Variants in PTPN3 observed in about 807,000 individuals in gnomAD.
PTPN3 encodes the protein tyrosine-protein phosphatase non-receptor type 3.
PTPN3 carries 96 observed loss-of-function variants against 132.7 expected under a neutral mutation model. That is an observed-to-expected ratio of 0.72 (90% CI 0.61 to 0.86). The LOEUF (loss-of-function observed/expected upper bound fraction) is 0.86, where lower values mean the gene tolerates loss of function less well. Ranked by LOEUF, PTPN3 falls within the 40% of genes least tolerant of loss-of-function variation. The probability of loss-of-function intolerance (pLI) is 0.00; values close to 1 mark genes in which losing one functional copy is unlikely to be tolerated. For missense variants in PTPN3, 1,125 were observed against 1,159.6 expected (o/e 0.97, Z 0.43); for synonymous variants, 398 against 429.0 (o/e 0.93, Z 0.89).
chr9:109,436,746 T>C, intron 9 of PTPN3, 137 bp downstream of exon 9: 1 of 1,343,126 alleles, frequency 7.4e-7, no homozygotes, highest in Non-Finnish European at 9.7e-7. Flanking sequence ...TCAGCATTAC[T>C]TAATAAACCT....
At chr9:109,443,933 A>T (rs1844669103) in intron 7 of PTPN3, among the ~76,000 whole-genome samples, 1 of 152,046 alleles carries the variant, frequency 6.6e-6, no homozygotes, top group South Asian at 2.1e-4. Flanking sequence ...GTGGGTGGGT[A>T]AGCTGCAGGC....
chr9:109,498,590 G>T (rs1847796878), upstream of PTPN3, among the ~76,000 whole-genome samples: 1 of 152,180 alleles, frequency 6.6e-6, no homozygotes, highest in Non-Finnish European at 1.5e-5. The surrounding 1 kb of genome is among the most constrained non-coding windows in gnomAD (Gnocchi z 4.2). Context: ...CCTAGGGAAG[G>T]CAAGAAGTCG....
At chr9:109,453,596 A>G (rs1458870851) in intron 5 of PTPN3, among the ~76,000 whole-genome samples, 1 of 151,950 alleles carries the variant, frequency 6.6e-6, no homozygotes, top group African/African-American at 2.4e-5. Context: ...AACTCCTATC[A>G]CAGCCCTCTT....
intron 1 of PTPN3, among the ~76,000 whole-genome samples, chr9:109,487,068 T>C (rs1847249249): frequency 6.6e-6 from 1 of 152,142 alleles, no homozygotes; most frequent in South Asian, 2.1e-4. Flanking sequence ...TGGACTAATA[T>C]ACCCAGAGAT....
intron 1 of PTPN3, among the ~76,000 whole-genome samples, chr9:109,464,246 G>T (rs1179331906): frequency 1.3e-5 from 2 of 152,144 alleles, no homozygotes; most frequent in African/African-American, 4.8e-5. Context: ...CTCAACATAT[G>T]CATTTATTGT....
At position 109,438,154 on chromosome 9, in the gene PTPN3, C is replaced by A; in HGVS notation, c.547G>T (p.Asp183Tyr). ...DSHFIPDQNE[D>Y]FLTKVESLHE... The stretch of plus-strand genomic sequence containing the variant: ...AGAGATTCGACTTTTGTTAAAAAGT[C>A]CTCATTTTGATCGGGTATAAAGTGA... Residue 183 changes from aspartate (D) to tyrosine (Y), a missense_variant, in exon 8 of 26, where the codon GAC becomes TAC. Physicochemically the swap from Asp to Tyr is radical, Grantham distance 160. Coordinates refer to ENST00000374541, the MANE Select transcript of PTPN3 (RefSeq NM_002829.4). 6.2e-7 allele frequency: 1 copy of A among 1,613,948 alleles called. No individual in the cohort carries two copies. The highest frequency in any genetic ancestry group is 8.5e-7 in the Non-Finnish European group (1 of 1,179,916).
the PTPN3 span, among the ~76,000 whole-genome samples, chr9:109,510,324 C>A: frequency 7.9e-5 from 12 of 151,784 alleles, no homozygotes; most frequent in East Asian, 1.8e-3. Flanking sequence ...TTTGGGAGGC[C>A]AAGGCGGGCA....
At chr9:109,532,280 A>T in the PTPN3 span, among the ~76,000 whole-genome samples, 3 of 152,168 alleles carry the variant, frequency 2.0e-5, no homozygotes, top group Non-Finnish European at 4.4e-5. Context: ...GATTTGATAG[A>T]TTCTTAATGG....
the PTPN3 span, among the ~76,000 whole-genome samples, chr9:109,509,929 C>T: frequency 6.6e-6 from 1 of 152,124 alleles, no homozygotes; most frequent in South Asian, 2.1e-4. Flanking sequence ...GTCTGTAGTT[C>T]TGGTAAAGTC....
Position 109,433,920 on chromosome 9 carries a change from A to ATTT in PTPN3, c.676-760_676-759insAAA, listed in dbSNP as rs1444565563. Among the ~76,000 whole-genome samples the ATTT allele has an allele frequency of 4.3e-4, 57 of 132,374 alleles. 1 individual carries two copies. Among genetic ancestry groups the ATTT allele is most frequent in the Admixed American group, 5.9e-4 (8 of 13,536 alleles). 86.8% of individuals were successfully genotyped at this position (132,374 alleles called of 152,430 possible). A position where few individuals can be genotyped will look rare whatever the true frequency, so the allele number is the denominator to read the frequency against. On this transcript the variant is annotated intron_variant, in intron 9 of 25. Transcript: ENST00000374541. Reference sequence around the variant, plus strand: ...GCAGCAGAGGGAGACTCTGTTTAAAAAAAAAAAAAAAAAAAAAAAAAAAGC... The same window carrying ATTT: ...GCAGCAGAGGGAGACTCTGTTTAAAATTTAAAAAAAAAAAAAAAAAAAAAAAGC...
chr9:109,470,148 A>C (rs1439530835), intron 1 of PTPN3, among the ~76,000 whole-genome samples: 1 of 152,112 alleles, frequency 6.6e-6, no homozygotes, highest in Non-Finnish European at 1.5e-5. Flanking sequence ...ACCCTAGACA[A>C]TGATTCATCA....
intron 16 of PTPN3, among the ~76,000 whole-genome samples, chr9:109,408,796 A>ATATATATATATATATATATATATAT (rs1554783378): frequency 3.7e-5 from 4 of 108,348 alleles, no homozygotes; most frequent in African/African-American, 1.5e-4. Context: ...AAAAAAAAAA[A>ATATATATATATATATATATATATAT]ATATATATAT....
chr9:109,483,109 T>C (rs896872065), intron 1 of PTPN3, among the ~76,000 whole-genome samples: 9 of 152,186 alleles, frequency 5.9e-5, no homozygotes, highest in Non-Finnish European at 8.8e-5. Context: ...GGCTCCCAGA[T>C]CAACATGATA....
rs1845233328 is a variant in PTPN3, at chr9:109,451,320, A to T, written c.369-2465T>A. 3.1e-6 allele frequency: 3 copies of T among 982,808 alleles called. No individual in the cohort carries two copies. In the South Asian group the frequency reaches 1.4e-4, roughly 46 times the overall value. The allele number at this position is 982,808 out of a possible 1,614,324, so 60.9% of individuals were successfully genotyped here. On this transcript the variant is annotated intron_variant, in intron 5 of 25. Transcript: ENST00000374541. ...CCATGGCTCCTGTTGCAGTAAGATAAATCTGGTGCCCAAATCCCAGAAGGT... is the reference window on the plus strand; with the variant it reads ...CCATGGCTCCTGTTGCAGTAAGATATATCTGGTGCCCAAATCCCAGAAGGT...
chr9:109,427,320 GAGATGACC>G (rs1843352350), intron 11 of PTPN3, among the ~76,000 whole-genome samples, 198 bp from the exon 12 acceptor site: 1 of 152,186 alleles, frequency 6.6e-6, no homozygotes, highest in South Asian at 2.1e-4. Flanking sequence ...CATGGTAATA[GAGATGACC>G]AGAATCTATT....
Position 109,381,314 on chromosome 9 carries a change from G to A in PTPN3, c.2664+338C>T, listed in dbSNP as rs927401467. On this transcript the variant is annotated intron_variant, in intron 25 of 25. Transcript: ENST00000374541. ...CCACACGGGTGGAACAGAGCTCAAA[G>A]TAGGGTCATATGCAACATCCACTGA... is the stretch of plus-strand genomic sequence containing the variant. Among the ~76,000 whole-genome samples the A allele has an allele frequency of 4.6e-5, 7 of 152,328 alleles. No homozygotes were observed. In the East Asian group the frequency reaches 1.4e-3, roughly 30 times the overall value.
chr9:109,485,655 C>T (rs544400519), intron 1 of PTPN3, among the ~76,000 whole-genome samples: 5 of 152,312 alleles, frequency 3.3e-5, no homozygotes, highest in Admixed American at 2.6e-4. Context: ...TCTTTCCTGA[C>T]GGAATCATCA....
intron 6 of PTPN3, among the ~76,000 whole-genome samples, chr9:109,446,434 A>C (rs56751581): frequency 0.23 from 34,363 of 152,012 alleles, 4,234 homozygotes; most frequent in Admixed American, 0.33. Context: ...ATTGTTCCTC[A>C]AGTGATGCTG....
intron 1 of PTPN3, among the ~76,000 whole-genome samples, chr9:109,466,638 T>C (rs560087913): frequency 6.6e-6 from 1 of 152,198 alleles, no homozygotes; most frequent in East Asian, 1.9e-4. Flanking sequence ...GACCCAAGAG[T>C]CTGCATCTTG....
Sources: gnomAD v4.1 joint callset for allele counts (sites outside exome capture counted in the v4.1 genomes callset) on GRCh38, gnomAD v4.1.1 for gene constraint, Gnocchi (gnomAD v3.1) non-coding constraint, MANE v1.5 for transcripts, NCBI Gene and HGNC (gene_info 2026-07-23, HGNC 2026-07-21) for gene names.